NRG1: variants seen among roughly 807,000 people sequenced by gnomAD.
NRG1 encodes pro-neuregulin-1, membrane-bound isoform.
Under a neutral mutation model 63.8 loss-of-function variants are expected in NRG1, and 18 were observed. The ratio of observed to expected loss-of-function variants is 0.28; its 90% CI spans 0.19 to 0.42. NRG1 has a LOEUF of 0.42. NRG1 is among the 10% of genes least tolerant of loss of function. NRG1 has a pLI of 1.00. For synonymous variants in NRG1, 302 were observed against 301.3 expected (o/e 1.00, Z -0.02); for missense variants, 762 against 814.7 (o/e 0.94, Z 0.79).
intron 1 of NRG1, among the ~76,000 whole-genome samples, chr8:31,754,718 A>T (rs1241856364): frequency 6.6e-6 from 1 of 152,104 alleles, no homozygotes; most frequent in Non-Finnish European, 1.5e-5. Context: ...CTCCTTAGGT[A>T]GGATCTCAGT....
intron 1 of NRG1, among the ~76,000 whole-genome samples, chr8:31,714,938 C>G (rs947899172): frequency 6.6e-6 from 1 of 151,830 alleles, no homozygotes; most frequent in Non-Finnish European, 1.5e-5. Flanking sequence ...CTCTAAATAC[C>G]CGCTGTGTCC....
chr8:32,279,155 G>A (rs931713389), intron 1 of NRG1, among the ~76,000 whole-genome samples: 11 of 152,226 alleles, frequency 7.2e-5, no homozygotes, highest in South Asian at 2.1e-4. Flanking sequence ...CAGAGCTGGC[G>A]TTTATGTTGT....
intron 1 of NRG1, among the ~76,000 whole-genome samples, chr8:32,151,013 A>G (rs1837444706): frequency 6.6e-6 from 1 of 152,206 alleles, no homozygotes; most frequent in Admixed American, 6.5e-5. Context: ...GATAGGGGCC[A>G]GAAATAGCAA....
intron 1 of NRG1, among the ~76,000 whole-genome samples, chr8:31,661,328 C>T (rs554193430): frequency 1.5e-4 from 23 of 152,152 alleles, no homozygotes; most frequent in Admixed American, 1.0e-3. Flanking sequence ...AATTCCTCAG[C>T]TTATGAAGGT....
At chr8:32,236,115 G>T (rs202137932) in intron 1 of NRG1, among the ~76,000 whole-genome samples, 15,476 of 147,424 alleles carry the variant, frequency 0.1, 806 homozygotes, top group East Asian at 0.24. Context: ...AGATTTTTTT[G>T]TTTTTGTGTG....
chr8:32,015,345 TC>T lies in NRG1; in HGVS notation c.37+375916del, dbSNP rs1815351089. Among the ~76,000 whole-genome samples, 5 of 152,294 alleles carry T rather than the reference TC, an allele frequency of 3.3e-5. No homozygotes were observed. In the South Asian group the frequency reaches 1.0e-3, roughly 32 times the overall value. On this transcript the variant is annotated intron_variant, in intron 1 of 10. Transcript: ENST00000519301. ...AAAGTCCATTAGATGCAGTTGAGCTTCCAGCTTGTCTCTTAGTTTCCTGGAA... is the reference window on the plus strand; with the variant it reads ...AAAGTCCATTAGATGCAGTTGAGCTTCAGCTTGTCTCTTAGTTTCCTGGAA...
At chr8:32,528,098 C>T (rs1001627166) in intron 1 of NRG1, among the ~76,000 whole-genome samples, 5 of 152,184 alleles carry the variant, frequency 3.3e-5, no homozygotes, top group Admixed American at 2.0e-4. Flanking sequence ...TAACTCACTC[C>T]TTTTTATCAT....
intron 1 of NRG1, among the ~76,000 whole-genome samples, chr8:32,372,028 A>C: frequency 7.8e-6 from 1 of 127,670 alleles, no homozygotes; most frequent in African/African-American, 3.0e-5. Flanking sequence ...GTGCCATGTC[A>C]CCCAGGCTGG....
rs117279168 is a variant in NRG1 at position 31,805,352 on chromosome 8, A to G, written c.37+165921A>G. Among the ~76,000 whole-genome samples, 662 of 152,164 alleles carry G rather than the reference A, an allele frequency of 4.4e-3. 3 individuals are homozygous for G. Among genetic ancestry groups the G allele is most frequent in the Non-Finnish European group, 6.8e-3 (465 of 67,984 alleles). Reference sequence around the variant, plus strand: ...GGAGAAACATTTTAGGGTAGGATAAACAAGACCGTATCATGAAATTGGAGA... The same window carrying G: ...GGAGAAACATTTTAGGGTAGGATAAGCAAGACCGTATCATGAAATTGGAGA... On this transcript the variant is annotated intron_variant, in intron 1 of 10. Coordinates refer to the NRG1 transcript ENST00000519301.
At position 32,049,306 on chromosome 8, in the gene NRG1, G is replaced by A. The variant is rs750240396; in HGVS notation, c.37+409875G>A. Reference sequence around the variant, plus strand: ...TCTAAGCTTATGAAAAATTTGTGACGTATGCTAAATATATTCCATCCAGTT... The same window carrying A: ...TCTAAGCTTATGAAAAATTTGTGACATATGCTAAATATATTCCATCCAGTT... On this transcript the variant is annotated intron_variant, in intron 1 of 10. Transcript: ENST00000519301. 4.6e-5 allele frequency among the ~76,000 whole-genome samples: 7 copies of A among 152,068 alleles called. No homozygotes were observed. The East Asian group carries it at 5.8e-4, about 13-fold the overall frequency.
intron 1 of NRG1, among the ~76,000 whole-genome samples, chr8:31,665,440 G>A (rs752088751): frequency 1.3e-5 from 2 of 152,178 alleles, no homozygotes; most frequent in Non-Finnish European, 2.9e-5. Flanking sequence ...GAAAAAATGA[G>A]TGATGAGTTT....
At chr8:31,806,273 A>G (rs897720534) in intron 1 of NRG1, among the ~76,000 whole-genome samples, 3 of 152,174 alleles carry the variant, frequency 2.0e-5, no homozygotes, top group Non-Finnish European at 4.4e-5. Flanking sequence ...AATTTCTACA[A>G]CAAGTGGAAT....
At chr8:31,941,135 GC>G (rs1413652478) in intron 1 of NRG1, among the ~76,000 whole-genome samples, 1 of 152,104 alleles carries the variant, frequency 6.6e-6, no homozygotes, top group Non-Finnish European at 1.5e-5. Flanking sequence ...GAACATAGAT[GC>G]AAAAATCCTC....
chr8:32,040,169 A>G (rs186534162), intron 1 of NRG1, among the ~76,000 whole-genome samples: 54 of 152,326 alleles, frequency 3.5e-4, no homozygotes, highest in African/African-American at 1.1e-3. Context: ...AAGAATTTCT[A>G]TCATCATTCT....
chr8:32,443,140 C>T (rs1463535664), intron 1 of NRG1, among the ~76,000 whole-genome samples: 1 of 151,964 alleles, frequency 6.6e-6, no homozygotes, highest in Non-Finnish European at 1.5e-5. Context: ...ATAGGATTTC[C>T]CAGGCTGGTA....
At chr8:32,046,674 G>T (rs1372838857) in intron 1 of NRG1, among the ~76,000 whole-genome samples, 4 of 151,964 alleles carry the variant, frequency 2.6e-5, no homozygotes, top group Admixed American at 1.3e-4. Flanking sequence ...CAGAATGAAA[G>T]AAGTCAACCT....
At chr8:32,203,536 A>G (rs1843712822) in intron 1 of NRG1, among the ~76,000 whole-genome samples, 1 of 151,464 alleles carries the variant, frequency 6.6e-6, no homozygotes, top group Non-Finnish European at 1.5e-5. Context: ...AACTTTTTTT[A>G]TTTTTAGTAG....
At chr8:32,725,676 A>G (rs1425650793) in intron 5 of NRG1, among the ~76,000 whole-genome samples, 2 of 151,526 alleles carry the variant, frequency 1.3e-5, no homozygotes, top group East Asian at 3.9e-4. Context: ...GGGTTTCACC[A>G]TGTTGGTCAG....
intron 1 of NRG1, among the ~76,000 whole-genome samples, chr8:31,677,342 A>G (rs920452524): frequency 1.3e-4 from 20 of 151,608 alleles, no homozygotes; most frequent in Admixed American, 4.6e-4. Flanking sequence ...TTATCTATCT[A>G]TGTCTATCTA....
Sources: gnomAD v4.1 joint callset for allele counts (sites outside exome capture counted in the v4.1 genomes callset) on GRCh38, gnomAD v4.1.1 for gene constraint, MANE v1.5 for transcripts, NCBI Gene and HGNC (gene_info 2026-07-23, HGNC 2026-07-21) for gene names.